Variants in ARL2BP observed in about 807,000 individuals in gnomAD.
The protein encoded by ARL2BP is ADP-ribosylation factor-like protein 2-binding protein.
In ARL2BP, 19 loss-of-function variants were observed where a neutral mutation model predicts 24.2. The ratio of observed to expected loss-of-function variants is 0.79; its 90% CI spans 0.55 to 1.15. ARL2BP has a LOEUF of 1.15. Ranked by LOEUF, ARL2BP falls within the 50% of genes most tolerant of loss-of-function variation. ARL2BP has a pLI of 0.00. For missense variants in ARL2BP, 160 were observed against 190.4 expected (o/e 0.84, Z 0.94); for synonymous variants, 56 against 70.5 (o/e 0.79, Z 1.03).
chr16:57,245,983 C>T, intron 1 of ARL2BP, 97 bp from the exon 2 acceptor site: 1 of 1,206,506 alleles, frequency 8.3e-7, no homozygotes, highest in South Asian at 1.3e-5. Context: ...CGTTTTGCTA[C>T]TCTTTTTTCT....
Position 57,248,694 on chromosome 16 carries a change from T to A in ARL2BP, c.207+51T>A, listed in dbSNP as rs1203843602. 21 of 1,102,224 alleles carry A rather than the reference T, an allele frequency of 1.9e-5. No individual in the cohort carries two copies. In the African/African-American group the frequency reaches 2.6e-4, roughly 14 times the overall value. The allele number at this position is 1,102,224 out of a possible 1,614,324, so 68.3% of individuals were successfully genotyped here. Reference sequence around the variant, plus strand: ...CAGGAGGTCAGAGTTTTTAAAAATTTAAATTTAGATTCAAAAGACATTGAA... The same window carrying A: ...CAGGAGGTCAGAGTTTTTAAAAATTAAAATTTAGATTCAAAAGACATTGAA... On this transcript the variant is annotated intron_variant, in intron 3 of 5. Coordinates refer to ENST00000219204, the MANE Select transcript of ARL2BP (RefSeq NM_012106.4).
intron 2 of ARL2BP, chr16:57,248,268 G>A (rs1379884936): frequency 1.2e-5 from 2 of 167,598 alleles, no homozygotes; most frequent in Non-Finnish European, 1.1e-5. Flanking sequence ...AACCGAGATC[G>A]CACCATTGCA....
At chr16:57,249,638 C>T in intron 3 of ARL2BP, 129 bp from the exon 4 acceptor site, 1 of 722,978 alleles carries the variant, frequency 1.4e-6, no homozygotes, top group East Asian at 2.5e-5. Context: ...CTTTGGTATC[C>T]TTGGCACTCA....
At chr16:57,245,985 CTT>C in intron 1 of ARL2BP, 93 bp from the exon 2 acceptor site, 1 of 1,247,168 alleles carries the variant, frequency 8.0e-7, no homozygotes, top group Non-Finnish European at 1.2e-6. Flanking sequence ...TTTTGCTACT[CTT>C]TTTTCTCTTG....
Position 57,252,336 on chromosome 16 carries a change from A to G in ARL2BP, c.*69A>G. The G allele has an allele frequency of 6.2e-7, 1 of 1,612,860 alleles. No individual in the cohort carries two copies. The highest frequency in any genetic ancestry group is 1.1e-5 in the South Asian group (1 of 90,950). On this transcript the variant is annotated 3_prime_UTR_variant, in exon 6 of 6. Transcript: ENST00000219204. ...AGCCCAATAGGCTCAGCTCATGATG[A>G]CAGAACACATCTTGGAAAGACTGAC... is the stretch of plus-strand genomic sequence containing the variant.
At position 57,253,350 on chromosome 16, in the gene ARL2BP, G is replaced by A. The variant is rs2075414454; in HGVS notation, c.*1083G>A. Reference sequence around the variant, plus strand: ...CAGGTAGAGCACAGCTTTACTGGCTGTTTGTATGCTTTGGTTTAGTGCAAT... The same window carrying A: ...CAGGTAGAGCACAGCTTTACTGGCTATTTGTATGCTTTGGTTTAGTGCAAT... On this transcript the variant is annotated 3_prime_UTR_variant, in exon 6 of 6. Transcript: ENST00000219204. The A allele has an allele frequency of 6.6e-6, 1 of 152,194 alleles. No homozygotes were observed. The highest frequency in any genetic ancestry group is 1.5e-5 in the Non-Finnish European group (1 of 68,042). 9.4% of individuals were successfully genotyped at this position (152,194 alleles called of 1,614,324 possible).
intron 5 of ARL2BP, 123 bp downstream of exon 5, chr16:57,250,630 A>C: frequency 2.7e-6 from 2 of 740,264 alleles, no homozygotes; most frequent in Non-Finnish European, 4.6e-6. Flanking sequence ...CCGATGAGGC[A>C]TCAGAAGAGT....
At chr16:57,246,375 G>GAATCTAT in intron 2 of ARL2BP, 1 of 492,710 alleles carries the variant, frequency 2.0e-6, no homozygotes, top group Non-Finnish European at 3.6e-6. Flanking sequence ...GACTGACTCA[G>GAATCTAT]GCTAATAGGG....
chr16:57,247,696 T>C (rs915435253), intron 2 of ARL2BP, among the ~76,000 whole-genome samples: 3 of 152,188 alleles, frequency 2.0e-5, no homozygotes, highest in Non-Finnish European at 4.4e-5. Flanking sequence ...ATTAAGTAAC[T>C]TACCCAAGGT....
Position 57,245,265 on chromosome 16 carries a change from C to A in ARL2BP, c.-103C>A. 7.1e-7 allele frequency: 1 copy of A among 1,413,004 alleles called. No individual in the cohort carries two copies. Among genetic ancestry groups the A allele is most frequent in the Non-Finnish European group, 9.7e-7 (1 of 1,035,422 alleles). The allele number at this position is 1,413,004 out of a possible 1,614,324, so 87.5% of individuals were successfully genotyped here. A position where few individuals can be genotyped will look rare whatever the true frequency, so the allele number is the denominator to read the frequency against. On this transcript the variant is annotated 5_prime_UTR_variant, in exon 1 of 6. In the 5' UTR this introduces an upstream ATG that the reference lacks. Coordinates refer to ENST00000219204, the MANE Select transcript of ARL2BP (RefSeq NM_012106.4). ...GGCGCTGACCCGACCTGGCAGTGAG[C>A]TGGCCGCGGCCTTGGCTGAGAGGCC... is the stretch of plus-strand genomic sequence containing the variant.
At chr16:57,251,846 TC>T (rs1464270903) in intron 5 of ARL2BP, 12 of 285,114 alleles carry the variant, frequency 4.2e-5, no homozygotes, top group African/African-American at 2.0e-4. Context: ...ACACCTGTAG[TC>T]CTAGCTACTC....
intron 5 of ARL2BP, 124 bp from the exon 6 acceptor site, chr16:57,252,042 T>C (rs1333348919): frequency 9.8e-6 from 7 of 716,776 alleles, no homozygotes; most frequent in Admixed American, 5.3e-5. Context: ...CAATAACCTG[T>C]GTTCCCTTCC....
chr16:57,246,462 T>A (rs939723273), intron 2 of ARL2BP: 3 of 230,610 alleles, frequency 1.3e-5, no homozygotes, highest in Non-Finnish European at 2.5e-5. Flanking sequence ...GTAAGAGCAA[T>A]TTCAATTTTA....
chr16:57,248,408 A>T lies in ARL2BP; in HGVS notation c.101-129A>T, dbSNP rs75804875. On this transcript the variant is annotated intron_variant, in intron 2 of 5. Transcript: ENST00000219204. Reference sequence around the variant, plus strand: ...GGGTCCCATTTAATACCCCCTTAAAACATCAGCTTTCCTTCCAGAGACTGA... The same window carrying T: ...GGGTCCCATTTAATACCCCCTTAAATCATCAGCTTTCCTTCCAGAGACTGA... 0.047 allele frequency: 23,172 copies of T among 492,504 alleles called. 1,579 individuals are homozygous for T. The highest frequency in any genetic ancestry group is 0.24 in the East Asian group (7,369 of 30,796). The allele number at this position is 492,504 out of a possible 1,614,324, so 30.5% of individuals were successfully genotyped here.
At chr16:57,245,760 C>G (rs1025077716) in intron 1 of ARL2BP, 19 of 501,150 alleles carry the variant, frequency 3.8e-5, no homozygotes, top group South Asian at 1.1e-4. Flanking sequence ...ACCAAATGAC[C>G]CCCCCCGGCA....
rs1227318010 is a variant in ARL2BP at position 57,253,552 on chromosome 16, G to A, written c.*1285G>A. ...TTAAAGGACAAGCTACAAGCTCTGT[G>A]TTTCTGTACTGATGTGTCACTTATT... On this transcript the variant is annotated 3_prime_UTR_variant, in exon 6 of 6. Coordinates refer to ENST00000219204, the MANE Select transcript of ARL2BP (RefSeq NM_012106.4). The A allele has an allele frequency of 6.6e-6, 1 of 151,966 alleles. No individual in the cohort carries two copies. Among genetic ancestry groups the A allele is most frequent in the Non-Finnish European group, 1.5e-5 (1 of 67,990 alleles). 9.4% of individuals were successfully genotyped at this position (151,966 alleles called of 1,614,324 possible).
In ARL2BP at chr16:57,252,647, G is replaced by A; in HGVS notation, c.*380G>A. The A allele has an allele frequency of 3.9e-6, 1 of 256,790 alleles. No individual in the cohort carries two copies. Among genetic ancestry groups the A allele is most frequent in the Non-Finnish European group, 7.6e-6 (1 of 130,866 alleles). The allele number at this position is 256,790 out of a possible 1,614,324, so 15.9% of individuals were successfully genotyped here. A position where few individuals can be genotyped will look rare whatever the true frequency, so the allele number is the denominator to read the frequency against. ...CCCTCTGTTCCAGCAGGCTCTGCAT[G>A]AATCTTTGTGCACTTGCACCTCTTT... is the stretch of plus-strand genomic sequence containing the variant. On this transcript the variant is annotated 3_prime_UTR_variant, in exon 6 of 6. Coordinates refer to ENST00000219204, the MANE Select transcript of ARL2BP (RefSeq NM_012106.4).
At chr16:57,248,458 C>T in intron 2 of ARL2BP, 79 bp from the exon 3 acceptor site, 1 of 835,522 alleles carries the variant, frequency 1.2e-6, no homozygotes, top group Non-Finnish European at 1.9e-6. Context: ...GTACTGCTGA[C>T]ATAGATCCTG....
chr16:57,250,378 C>A lies in ARL2BP; in HGVS notation c.294-33C>A, dbSNP rs780317166. 6 of 1,567,090 alleles carry A rather than the reference C, an allele frequency of 3.8e-6. No homozygotes were observed. In the African/African-American group the frequency reaches 8.1e-5, roughly 21 times the overall value. On this transcript the variant is annotated intron_variant, in intron 4 of 5. Transcript: ENST00000219204. ...CAATCTTGAGGACTGTCTCATCATT[C>A]ATTCACGAAACAGCCATCTGTTCCG...
Sources: allele counts gnomAD v4.1 joint callset (sites outside exome capture counted in the v4.1 genomes callset), GRCh38; gene constraint gnomAD v4.1.1; transcripts MANE v1.5; gene names NCBI Gene and HGNC (gene_info 2026-07-23, HGNC 2026-07-21).